MLKL: variants seen among roughly 807,000 people sequenced by gnomAD.
MLKL encodes mixed lineage kinase domain-like protein.
In MLKL, 55 loss-of-function variants were observed where a neutral mutation model predicts 56.5. That is an observed-to-expected ratio of 0.97 (90% CI 0.78 to 1.22). MLKL has a LOEUF of 1.22. Ranked by LOEUF, MLKL falls within the 50% of genes most tolerant of loss-of-function variation. The probability of loss-of-function intolerance (pLI) is 0.00; values close to 1 mark genes in which losing one functional copy is unlikely to be tolerated. For missense variants in MLKL, 694 were observed against 573.9 expected (o/e 1.21, Z -2.14); for synonymous variants, 251 against 208.3 (o/e 1.20, Z -1.76).
At chr16:74,683,556 C>T (rs1333330569) in intron 5 of MLKL, among the ~76,000 whole-genome samples, 8 of 148,910 alleles carry the variant, frequency 5.4e-5, no homozygotes, top group African/African-American at 1.7e-4. Context: ...ATTGTACCAC[C>T]GCACTCCAGC....
chr16:74,676,141 G>C lies in MLKL; in HGVS notation c.1039-377C>G, dbSNP rs528527964. The C allele has an allele frequency of 1.5e-5, 8 of 529,582 alleles. No homozygotes were observed. In the East Asian group the frequency reaches 1.1e-3, roughly 70 times the overall value. The allele number at this position is 529,582 out of a possible 1,614,324, so 32.8% of individuals were successfully genotyped here. On this transcript the variant is annotated intron_variant, in intron 7 of 10. Coordinates refer to ENST00000308807, the MANE Select transcript of MLKL (RefSeq NM_152649.4). Reference sequence around the variant, plus strand: ...CTCCACTCAGTGAGAGTGGAGAGGGGTCATAGAGCCACTGCCTGGCTCGCC... The same window carrying C: ...CTCCACTCAGTGAGAGTGGAGAGGGCTCATAGAGCCACTGCCTGGCTCGCC...
At position 74,672,470 on chromosome 16, in the gene MLKL, T is replaced by C. The variant is rs771821215; in HGVS notation, c.*34A>G. 6.2e-7 allele frequency: 1 copy of C among 1,603,208 alleles called. No homozygotes were observed. The highest frequency in any genetic ancestry group is 1.7e-5 in the Admixed American group (1 of 59,622). ...CCAGTTTGTGCCTCTCCCAGCTTCT[T>C]GTCCAGAGACTCCTTGGTTTAGATT... On this transcript the variant is annotated 3_prime_UTR_variant, in exon 11 of 11. Coordinates refer to ENST00000308807, the MANE Select transcript of MLKL (RefSeq NM_152649.4).
At chr16:74,699,856 A>T (rs1216877580) in intron 1 of MLKL, among the ~76,000 whole-genome samples, 1 of 152,080 alleles carries the variant, frequency 6.6e-6, no homozygotes, top group Non-Finnish European at 1.5e-5. Flanking sequence ...TTGGAGGATC[A>T]CTTGAGCCCA....
intron 4 of MLKL, among the ~76,000 whole-genome samples, chr16:74,690,875 T>C (rs757925552): frequency 2.1e-4 from 31 of 150,378 alleles, no homozygotes; most frequent in Middle Eastern, 3.5e-3. Context: ...ATGGAACACG[T>C]TTCATGATGT....
chr16:74,695,764 A>C lies in MLKL; in HGVS notation c.-2-5T>G. 6.3e-7 allele frequency: 1 copy of C among 1,578,380 alleles called. No individual in the cohort carries two copies. Among genetic ancestry groups the C allele is most frequent in the Non-Finnish European group, 8.6e-7 (1 of 1,161,874 alleles). On this transcript the variant is annotated splice_region_variant and splice_polypyrimidine_tract_variant and intron_variant, in intron 1 of 10. Transcript: ENST00000308807. Reference sequence around the variant, plus strand: ...TATGCTTCAAATTTTCCATGCCTGGAAGAAATGAATGGAATTTGGTGAAAT... The same window carrying C: ...TATGCTTCAAATTTTCCATGCCTGGCAGAAATGAATGGAATTTGGTGAAAT...
rs997456883 is a variant in MLKL at position 74,685,514 on chromosome 16, A to T, written c.792T>A (p.Arg264=). 6.2e-7 allele frequency: 1 copy of T among 1,614,002 alleles called. No homozygotes were observed. Among genetic ancestry groups the T allele is most frequent in the Admixed American group, 1.7e-5 (1 of 60,014 alleles). ...TTTCATCAATGCAAATCCCAAATAT[A>T]CGCAGGATGTTGGGAGATTCGAATT... ...MKKFESPNIL[R]IFGICIDETV... The change falls in exon 5 of 11, where the codon CGT becomes CGA. Residue 264 remains arginine (R), a synonymous_variant. Transcript: ENST00000308807.
At chr16:74,681,324 C>G (rs981487961) in intron 6 of MLKL, among the ~76,000 whole-genome samples, 1 of 152,190 alleles carries the variant, frequency 6.6e-6, no homozygotes, top group East Asian at 1.9e-4. Context: ...CTGGGCCAGG[C>G]CTTTATTCCG....
In MLKL at chr16:74,675,030, G is replaced by A. The variant is rs1211951596; in HGVS notation, c.1311C>T (p.Cys437=). The A allele has an allele frequency of 1.9e-6, 3 of 1,614,024 alleles. No homozygotes were observed. Among genetic ancestry groups the A allele is most frequent in the African/African-American group, 1.3e-5 (1 of 74,922 alleles). ...KRQQEPLGED[C]PSELREIIDE... is the part of the protein sequence containing the mutation. ...CAATGATCTCCCGCAGCTCTGAAGG[G>A]CAGTCTTCACCCAGTGGCTCCTGCT... Residue 437 remains cysteine, a synonymous_variant, in exon 10 of 11, where the codon TGC becomes TGT. Transcript: ENST00000308807.
intron 4 of MLKL, among the ~76,000 whole-genome samples, chr16:74,688,517 C>A (rs1009824720): frequency 1.3e-5 from 2 of 151,940 alleles, no homozygotes; most frequent in African/African-American, 4.8e-5. Flanking sequence ...AGTTTCAGAC[C>A]AGCCTGGCCA....
At position 74,691,441 on chromosome 16, in the gene MLKL, C is replaced by T; in HGVS notation, c.558G>A (p.Gln186=). ...CCTTGATTTGCTCTTGCGGGATCTC[C>T]TGCATGCATTTTGGTGGTAAATCTG... is the stretch of plus-strand genomic sequence containing the variant. ...LRQYLPPKCM[Q]EIPQEQIKEI... is the part of the protein sequence containing the mutation. The change falls in exon 4 of 11, where the codon CAG becomes CAA. Residue 186 remains glutamine, a synonymous_variant. Coordinates refer to ENST00000308807, the MANE Select transcript of MLKL (RefSeq NM_152649.4). 6.2e-7 allele frequency: 1 copy of T among 1,613,570 alleles called. No homozygotes were observed. Among genetic ancestry groups the T allele is most frequent in the Non-Finnish European group, 8.5e-7 (1 of 1,179,918 alleles).
At chr16:74,696,906 C>T (rs1027944446) in intron 1 of MLKL, among the ~76,000 whole-genome samples, 2 of 141,538 alleles carry the variant, frequency 1.4e-5, no homozygotes, top group Non-Finnish European at 3.0e-5. Context: ...TGCACCATCT[C>T]AAAAAAATGT....
Position 74,678,925 on chromosome 16 carries a change from G to C in MLKL, c.1012C>G (p.Leu338Val), listed in dbSNP as rs1308742298. 2 of 1,614,154 alleles carry C rather than the reference G, an allele frequency of 1.2e-6. No homozygotes were observed. The highest frequency in any genetic ancestry group is 1.7e-6 in the Non-Finnish European group (2 of 1,180,018). The part of the protein sequence containing the change: ...LHGKIRSSNF[L>V]VTQGYQVKLA... ...TTCACTTGGTAGCCTTGAGTTACCA[G>C]GAAGTTTGAGCTTCTGATTTTTCCG... The change falls in exon 7 of 11, where the codon CTG becomes GTG. Residue 338 changes from leucine (L) to valine (V), a missense_variant. By Grantham distance (32) the Leu-to-Val change is conservative. Coordinates refer to ENST00000308807, the MANE Select transcript of MLKL (RefSeq NM_152649.4).
chr16:74,688,493 T>A (rs1293042432), intron 4 of MLKL, among the ~76,000 whole-genome samples: 1 of 151,916 alleles, frequency 6.6e-6, no homozygotes, highest in East Asian at 1.9e-4. Context: ...GTGGGTGGAT[T>A]GCTTGAGGTT....
chr16:74,674,071 G>A (rs932812949), intron 10 of MLKL, among the ~76,000 whole-genome samples: 1 of 151,914 alleles, frequency 6.6e-6, no homozygotes, highest in Non-Finnish European at 1.5e-5. Flanking sequence ...CCCTCTGGAA[G>A]CCCTTACACT....
chr16:74,695,858 G>T, intron 1 of MLKL, 99 bp from the exon 2 acceptor site: 1 of 1,069,814 alleles, frequency 9.3e-7, no homozygotes, highest in Non-Finnish European at 1.3e-6. Flanking sequence ...TTAAATGCCT[G>T]AGGAGGTCTC....
Position 74,682,724 on chromosome 16 carries a change from A to G in MLKL, c.883T>C (p.Leu295=), listed in dbSNP as rs1297515147. ...YCELGTLREL[L]DREKDLTLGK... ...AGTGTGAGGTCTTTTTCCCTATCCA[A>G]CAGCTCCCTCAGGGTCCCGAGTTCA... The change falls in exon 6 of 11, where the codon TTG becomes CTG. Residue 295 remains leucine, a synonymous_variant. Transcript: ENST00000308807. 1.2e-6 allele frequency: 2 copies of G among 1,614,054 alleles called. No individual in the cohort carries two copies. The highest frequency in any genetic ancestry group is 3.3e-5 in the Admixed American group (2 of 60,008).
Position 74,682,732 on chromosome 16 carries a change from C to G in MLKL, c.875G>C (p.Arg292Thr). The G allele has an allele frequency of 3.7e-6, 6 of 1,614,160 alleles. No homozygotes were observed. The highest frequency in any genetic ancestry group is 5.1e-6 in the Non-Finnish European group (6 of 1,180,018). ...GTCTTTTTCCCTATCCAACAGCTCCCTCAGGGTCCCGAGTTCACAGTACTC... is the reference window on the plus strand; with the variant it reads ...GTCTTTTTCCCTATCCAACAGCTCCGTCAGGGTCCCGAGTTCACAGTACTC... ...VMEYCELGTL[R>T]ELLDREKDLT... is the part of the protein sequence containing the mutation. Residue 292 changes from arginine to threonine, a missense_variant, in exon 6 of 11, where the codon AGG (arginine) becomes ACG (threonine). Coordinates refer to ENST00000308807, the MANE Select transcript of MLKL (RefSeq NM_152649.4).
intron 4 of MLKL, among the ~76,000 whole-genome samples, chr16:74,690,985 A>G (rs1960633851): frequency 1.3e-5 from 2 of 151,968 alleles, no homozygotes; most frequent in African/African-American, 4.8e-5. Context: ...ACATACAAAC[A>G]AAACACACTA....
intron 7 of MLKL, chr16:74,676,125 G>T (rs1331221748): frequency 2.5e-6 from 1 of 395,634 alleles, no homozygotes; most frequent in Middle Eastern, 1.2e-3. Flanking sequence ...ACTCCACTCA[G>T]TGAGAGTGGA....
Sources: allele counts gnomAD v4.1 joint callset (sites outside exome capture counted in the v4.1 genomes callset), GRCh38; gene constraint gnomAD v4.1.1; transcripts MANE v1.5; gene names NCBI Gene and HGNC (gene_info 2026-07-23, HGNC 2026-07-21).